TBX3: variants seen among roughly 807,000 people sequenced by gnomAD.
TBX3 encodes the protein T-box transcription factor 3.
A neutral mutation model predicts 47.8 loss-of-function variants in TBX3; 11 were observed. That is an observed-to-expected ratio of 0.23 (90% CI 0.14 to 0.38). The LOEUF (loss-of-function observed/expected upper bound fraction) is 0.38. Among genes scored for constraint, TBX3 ranks in the 10% least tolerant of loss-of-function variants. The probability of loss-of-function intolerance (pLI) is 1.00; values close to 1 mark genes in which losing one functional copy is unlikely to be tolerated. For missense variants in TBX3, 927 were observed against 1,022.8 expected (o/e 0.91, Z 1.28); for synonymous variants, 500 against 449.3 (o/e 1.11, Z -1.43).
Position 114,683,363 on chromosome 12 carries a change from T to TG in TBX3, c.-164dup. 1 of 937,270 alleles carries TG rather than the reference T, an allele frequency of 1.1e-6. No individual in the cohort carries two copies. The allele number at this position is 937,270 out of a possible 1,614,324, so 58.1% of individuals were successfully genotyped here. On this transcript the variant is annotated 5_prime_UTR_variant, in exon 1 of 7. Transcript: ENST00000349155. The surrounding 1 kb of genome is among the most constrained non-coding windows in gnomAD (Gnocchi z 7.7). ...AAAAGGAGGCAGAAATCACAACTAA[T>TG]GCACTTCAAAGGGAGGAGGGGAAGT...
rs766332681 is a variant in TBX3 at position 114,674,412 on chromosome 12, G to T, written c.1463C>A (p.Ala488Glu). Residue 488 changes from alanine (A) to glutamate (E), a missense_variant, in exon 6 of 7, where the codon GCG (alanine) becomes GAG (glutamate). Physicochemically the swap from Ala to Glu is moderately radical, Grantham distance 107. Around this residue, in one of 5 missense-constraint regions of TBX3, gnomAD observed 623 missense variants for 569.0 expected, o/e 1.09. Transcript: ENST00000349155. ...LPGLGFAPGL[A>E]GQQFFNGHPL... The stretch of plus-strand genomic sequence containing the variant: ...GTGCCCGTTGAAGAACTGTTGGCCC[G>T]CCAGGCCCGGGGCGAAGCCGAGGCC... 49 of 1,550,480 alleles carry T rather than the reference G, an allele frequency of 3.2e-5. No homozygotes were observed. The highest frequency in any genetic ancestry group is 4.1e-5 in the Non-Finnish European group (47 of 1,147,286).
Position 114,671,962 on chromosome 12 carries a change from A to G in TBX3, c.2051T>C (p.Met684Thr). 4 of 1,600,280 alleles carry G rather than the reference A, an allele frequency of 2.5e-6. No individual in the cohort carries two copies. The highest frequency in any genetic ancestry group is 2.6e-6 in the Non-Finnish European group (3 of 1,173,454). The part of the protein sequence containing the change: ...SRSSTLSSSS[M>T]SLSPKLCAEK... ...CGCGCAGAGTTTGGGCGACAAGGAC[A>G]TGGAGCTGGAGGAGAGCGTGGAGGA... is the stretch of plus-strand genomic sequence containing the variant. Residue 684 changes from methionine to threonine, a missense_variant, in exon 7 of 7, where the codon ATG becomes ACG. By Grantham distance (81) the Met-to-Thr change is moderately conservative. This residue lies in a region of TBX3 where 623 missense variants were observed against 569.0 expected (regional missense o/e 1.09). Transcript: ENST00000349155.
In TBX3 at chr12:114,674,213, G is replaced by A. The variant is rs1479817584; in HGVS notation, c.1662C>T (p.Ser554=). The change falls in exon 6 of 7, where the codon TCC becomes TCT. Residue 554 remains serine, a synonymous_variant. Transcript: ENST00000349155. ...AAAAQGLSGA[S]AATLPFHLQQ... ...GGAGGTGGAAGGGCAGGGTGGCCGC[G>A]GACGCCCCGGACAGTCCCTGCGCCG... is the stretch of plus-strand genomic sequence containing the variant. The A allele has an allele frequency of 4.4e-6, 7 of 1,578,382 alleles. No homozygotes were observed. Among genetic ancestry groups the A allele is most frequent in the Non-Finnish European group, 4.3e-6 (5 of 1,163,386 alleles).
intron 3 of TBX3, 119 bp from the exon 4 acceptor site, chr12:114,677,775 T>C (rs1868769778): frequency 1.1e-6 from 1 of 905,280 alleles, no homozygotes; most frequent in African/African-American, 1.7e-5. Flanking sequence ...GTCATATAGA[T>C]ATGCCAGGGA....
At position 114,684,106 on chromosome 12, in the gene TBX3, G is replaced by A. The variant is rs972270898; in HGVS notation, c.-906C>T. 4.3e-6 allele frequency: 1 copy of A among 231,470 alleles called. No homozygotes were observed. Among genetic ancestry groups the A allele is most frequent in the Non-Finnish European group, 8.5e-6 (1 of 117,046 alleles). The allele number at this position is 231,470 out of a possible 1,614,324, so 14.3% of individuals were successfully genotyped here. ...AGAGAGAGAGAGAGACGGAGTCGGA[G>A]AGGGAGGGAGCGAGAGAAAGCGAGA... On this transcript the variant is annotated 5_prime_UTR_variant, in exon 1 of 7. Coordinates refer to ENST00000349155, the MANE Select transcript of TBX3 (RefSeq NM_005996.4).
intron 3 of TBX3, among the ~76,000 whole-genome samples, 166 bp from the exon 4 acceptor site, chr12:114,677,822 C>T (rs1377113139): frequency 1.3e-5 from 2 of 152,114 alleles, no homozygotes; most frequent in African/African-American, 4.8e-5. Context: ...GGGCTTGTAT[C>T]TCCTATATGA....
chr12:114,674,366 G>C lies in TBX3; in HGVS notation c.1509C>G (p.Ser503Arg), dbSNP rs1394460148. 5 of 1,555,180 alleles carry C rather than the reference G, an allele frequency of 3.2e-6. No homozygotes were observed. The South Asian group carries it at 5.9e-5, about 18-fold the overall frequency. Residue 503 changes from serine to arginine, a missense_variant, in exon 6 of 7, where the codon AGC becomes AGG. Coordinates refer to ENST00000349155, the MANE Select transcript of TBX3 (RefSeq NM_005996.4). ...AGAAGGCGCCCCCCATGGCAAACTG[G>C]CTGGGGTGCAGGAAGAGCGGGTGCC... is the stretch of plus-strand genomic sequence containing the variant. Reference protein sequence around the residue: ...FNGHPLFLHPSQFAMGGAFSS... With the variant: ...FNGHPLFLHPRQFAMGGAFSS...
At position 114,674,573 on chromosome 12, in the gene TBX3, G is replaced by A. The variant is rs777539045; in HGVS notation, c.1302C>T (p.Arg434=). 2 of 1,578,366 alleles carry A rather than the reference G, an allele frequency of 1.3e-6. No individual in the cohort carries two copies. Among genetic ancestry groups the A allele is most frequent in the South Asian group, 1.2e-5 (1 of 86,868 alleles). Reference sequence around the variant, plus strand: ...CTGTGCCCTCGCGAACCGGGCTCCTGCGCTCCTCCGCGCCCAGGCCGCGAG... The same window carrying A: ...CTGTGCCCTCGCGAACCGGGCTCCTACGCTCCTCCGCGCCCAGGCCGCGAG... The part of the protein sequence containing the change: ...SSTRGLGAEE[R]RSPVREGTAP... The change falls in exon 6 of 7, where the codon CGC becomes CGT. Residue 434 remains arginine (R), a synonymous_variant. Transcript: ENST00000349155.
At chr12:114,677,437 G>A in intron 4 of TBX3, 143 bp downstream of exon 4, 1 of 782,246 alleles carries the variant, frequency 1.3e-6, no homozygotes, top group South Asian at 1.5e-5. Context: ...ACTGATAGCG[G>A]CAAGCATGTA....
rs1178458761 is a variant in TBX3, at chr12:114,672,165, C to G, written c.1848G>C (p.Pro616=). 1.3e-6 allele frequency: 2 copies of G among 1,570,934 alleles called. No homozygotes were observed. The highest frequency in any genetic ancestry group is 1.7e-6 in the Non-Finnish European group (2 of 1,158,830). ...HPFLNLNTMR[P]RLRYSPYSIP... ...TGGAGTAGGGGCTGTAGCGCAGCCG[C>G]GGGCGCATGGTGTTCAGATTGAGGA... The change falls in exon 7 of 7, where the codon CCG becomes CCC. Residue 616 remains proline (P), a synonymous_variant. Transcript: ENST00000349155.
At chr12:114,678,761 G>T (rs1369692295) in intron 3 of TBX3, among the ~76,000 whole-genome samples, 1 of 152,138 alleles carries the variant, frequency 6.6e-6, no homozygotes, top group East Asian at 1.9e-4. Context: ...AGCAGTAAGG[G>T]TCACTTTTTC....
At position 114,672,225 on chromosome 12, in the gene TBX3, AGAG is replaced by A; in HGVS notation, c.1785_1787del (p.Ser596del). 3 of 1,574,430 alleles carry A rather than the reference AGAG, an allele frequency of 1.9e-6. No individual in the cohort carries two copies. Among genetic ancestry groups the A allele is most frequent in the Non-Finnish European group, 2.6e-6 (3 of 1,161,006 alleles). ...GGTGCACCGAGCTGGAGGCTGCCGC[AGAG>A]GAGGCGGCCGCCGCTGCGGCCATGT... On this transcript the variant is annotated inframe_deletion, in exon 7 of 7. Coordinates refer to ENST00000349155, the MANE Select transcript of TBX3 (RefSeq NM_005996.4).
intron 2 of TBX3, 150 bp downstream of exon 2, chr12:114,680,729 C>T (rs545443240): frequency 2.5e-6 from 3 of 1,180,214 alleles, no homozygotes; most frequent in East Asian, 2.4e-5. Context: ...GAGAGAAACA[C>T]CCCGAATCCT....
chr12:114,671,418 C>G lies in TBX3; in HGVS notation c.*423G>C, dbSNP rs3741698. 93,795 of 289,270 alleles carry G rather than the reference C, an allele frequency of 0.32. 16,510 individuals carry two copies. The highest frequency in any genetic ancestry group is 0.52 in the East Asian group (10,237 of 19,750). 17.9% of individuals were successfully genotyped at this position (289,270 alleles called of 1,614,324 possible). A position where few individuals can be genotyped will look rare whatever the true frequency, so the allele number is the denominator to read the frequency against. On this transcript the variant is annotated 3_prime_UTR_variant, in exon 7 of 7. Transcript: ENST00000349155. ...ATCATGTTAATGTGTTCACTTGTCC[C>G]GATTTTTTTTTTGAAAGATTTTGTT...
At chr12:114,673,438 C>G (rs1237958741) in intron 6 of TBX3, among the ~76,000 whole-genome samples, 1 of 152,218 alleles carries the variant, frequency 6.6e-6, no homozygotes, top group African/African-American at 2.4e-5. Flanking sequence ...TGCCCCAGTC[C>G]CTGCTTATCC....
At chr12:114,674,959 G>T in intron 5 of TBX3, 124 bp from the exon 6 acceptor site, 1 of 1,276,656 alleles carries the variant, frequency 7.8e-7, no homozygotes, top group Non-Finnish European at 1.1e-6. Context: ...CCCGGGGAAA[G>T]CCCCTTAGCC....
rs1868412592 is a variant in TBX3 at position 114,671,332 on chromosome 12, A to G, written c.*509T>C. On this transcript the variant is annotated 3_prime_UTR_variant, in exon 7 of 7. Transcript: ENST00000349155. ...CTTCCCTCCCCAAACAAAGCTGCTC[A>G]GTAATTTATTGAGAACCGATAATGC... The G allele has an allele frequency of 4.1e-6, 1 of 243,086 alleles. No homozygotes were observed. Among genetic ancestry groups the G allele is most frequent in the South Asian group, 1.5e-4 (1 of 6,522 alleles). 15.1% of individuals were successfully genotyped at this position (243,086 alleles called of 1,614,324 possible).
rs1314420883 is a variant in TBX3, at chr12:114,674,388, T to A, written c.1487A>T (p.His496Leu). The A allele has an allele frequency of 3.2e-6, 5 of 1,552,314 alleles. No homozygotes were observed. In the African/African-American group the frequency reaches 6.8e-5, roughly 21 times the overall value. ...GLAGQQFFNGHPLFLHPSQFA... is the reference protein window; with the variant it reads ...GLAGQQFFNGLPLFLHPSQFA... The stretch of plus-strand genomic sequence containing the variant: ...CTGGCTGGGGTGCAGGAAGAGCGGG[T>A]GCCCGTTGAAGAACTGTTGGCCCGC... Residue 496 changes from histidine to leucine, a missense_variant, in exon 6 of 7, where the codon CAC (histidine) becomes CTC (leucine). Physicochemically the swap from His to Leu is moderately conservative, Grantham distance 99. Coordinates refer to ENST00000349155, the MANE Select transcript of TBX3 (RefSeq NM_005996.4).
rs78978896 is a variant in TBX3, at chr12:114,678,932, T to A, written c.804+573A>T. ...CAAAAGCCTCAGACAACTCGATTAA[T>A]ATGACCCTGTGATCAGGGTAGGTTT... On this transcript the variant is annotated intron_variant, in intron 3 of 6. Coordinates refer to ENST00000349155, the MANE Select transcript of TBX3 (RefSeq NM_005996.4). Among the ~76,000 whole-genome samples the A allele has an allele frequency of 1.2e-4, 19 of 152,108 alleles. 1 individual carries two copies. In the East Asian group the frequency reaches 3.1e-3, roughly 25 times the overall value.
Sources: allele counts gnomAD v4.1 joint callset (sites outside exome capture counted in the v4.1 genomes callset), GRCh38; gene constraint gnomAD v4.1.1; regional missense constraint gnomAD v4.1.1; non-coding constraint Gnocchi (gnomAD v3.1); transcripts MANE v1.5; gene names NCBI Gene and HGNC (gene_info 2026-07-23, HGNC 2026-07-21).